The following CWC25 variants were observed in gnomAD, a reference collection of about 807,000 sequenced individuals.
The protein encoded by CWC25 is pre-mRNA-splicing factor CWC25 homolog.
In CWC25, 31 loss-of-function variants were observed where a neutral mutation model predicts 54.6. That is an observed-to-expected ratio of 0.57 (90% CI 0.43 to 0.77). CWC25 has a LOEUF of 0.77. Among genes scored for constraint, CWC25 ranks in the 30% least tolerant of loss-of-function variants. The pLI is 0.00. For synonymous variants in CWC25, 151 were observed against 187.0 expected, an observed-to-expected ratio of 0.81 and a Z score of 1.57; for missense variants, 453 against 529.3, an observed-to-expected ratio of 0.86 and a Z score of 1.41.
chr17:38,803,179 T>C (rs529775271), intron 8 of CWC25, among the ~76,000 whole-genome samples: 1 of 152,316 alleles, frequency 6.6e-6, no homozygotes, highest in Non-Finnish European at 1.5e-5. Flanking sequence ...TGCTCAACAA[T>C]TGACAGAAGA....
intron 1 of CWC25, among the ~76,000 whole-genome samples, chr17:38,823,151 T>A (rs577095955): frequency 6.8e-6 from 1 of 147,278 alleles, no homozygotes; most frequent in South Asian, 2.1e-4. Context: ...CTCCAACTTT[T>A]TTTTTAACTT....
intron 3 of CWC25, among the ~76,000 whole-genome samples, chr17:38,814,474 C>G (rs1336763963): frequency 6.6e-6 from 1 of 151,034 alleles, no homozygotes; most frequent in Non-Finnish European, 1.5e-5. Context: ...GGCGTGGTGG[C>G]TCACGCCTGT....
intron 2 of CWC25, 129 bp from the exon 3 acceptor site, chr17:38,815,226 A>G: frequency 1.3e-6 from 1 of 799,672 alleles, no homozygotes; most frequent in Non-Finnish European, 2.0e-6. Context: ...GGCACCTACC[A>G]TGCAATAAAC....
intron 2 of CWC25, chr17:38,815,590 G>A (rs1911664569): frequency 1.1e-6 from 1 of 886,624 alleles, no homozygotes. Context: ...TCCTCATGAG[G>A]CTTACGAGTG....
chr17:38,813,919 T>C (rs1314751333), intron 3 of CWC25, among the ~76,000 whole-genome samples: 3 of 152,146 alleles, frequency 2.0e-5, no homozygotes, highest in Admixed American at 6.6e-5. Flanking sequence ...TAGAGTGCAG[T>C]GGCGCGATCT....
At chr17:38,822,407 C>A (rs1465996589) in intron 1 of CWC25, among the ~76,000 whole-genome samples, 1 of 152,128 alleles carries the variant, frequency 6.6e-6, no homozygotes, top group Non-Finnish European at 1.5e-5. Context: ...GCTTGGTCTA[C>A]TTCACCTGCC....
intron 6 of CWC25, among the ~76,000 whole-genome samples, chr17:38,809,293 TG>T: frequency 6.6e-6 from 1 of 150,668 alleles, no homozygotes; most frequent in Non-Finnish European, 1.5e-5. Context: ...TCGGGCGTGG[TG>T]GTGGGCGCCT....
intron 8 of CWC25, among the ~76,000 whole-genome samples, chr17:38,805,109 G>GA (rs34134200): frequency 3.8e-3 from 445 of 115,916 alleles, no homozygotes; most frequent in African/African-American, 4.0e-3. Context: ...CTCCATCTCA[G>GA]AAAAAAAAAA....
At chr17:38,819,200 C>T (rs2143597429) in intron 2 of CWC25, among the ~76,000 whole-genome samples, 1 of 147,922 alleles carries the variant, frequency 6.8e-6, no homozygotes, top group South Asian at 2.1e-4. Context: ...CTTTTCCTTT[C>T]TTTCTTTTTT....
rs1911903811 is a variant in CWC25 at position 38,821,059 on chromosome 17, G to A, written c.33C>T (p.Ser11=). The change falls in exon 2 of 10, where the codon AGC becomes AGT. Residue 11 remains serine, a synonymous_variant. Coordinates refer to ENST00000614790, the MANE Select transcript of CWC25 (RefSeq NM_017748.5). ...CATTCCTGAGGGTCTGCGGGTGCCA[G>A]CTCTTCTTCAGATTCTGTGGTAAAT... MGGGDLNLKK[S]WHPQTLRNVE... 1 of 1,611,470 alleles carries A rather than the reference G, an allele frequency of 6.2e-7. No homozygotes were observed. Among genetic ancestry groups the A allele is most frequent in the Admixed American group, 1.7e-5 (1 of 59,086 alleles).
chr17:38,823,037 A>T (rs1348714010), intron 1 of CWC25, among the ~76,000 whole-genome samples: 1 of 150,524 alleles, frequency 6.6e-6, no homozygotes, highest in Non-Finnish European at 1.5e-5. Context: ...GACGGGTTTC[A>T]CCGTGTTAGC....
intron 8 of CWC25, among the ~76,000 whole-genome samples, chr17:38,804,971 G>A (rs1297800506): frequency 2.0e-5 from 3 of 152,172 alleles, no homozygotes; most frequent in South Asian, 2.1e-4. Context: ...GCTGGGTGTG[G>A]TGGCACATGC....
intron 1 of CWC25, among the ~76,000 whole-genome samples, chr17:38,824,171 C>T (rs766863262): frequency 6.6e-6 from 1 of 152,184 alleles, no homozygotes; most frequent in Non-Finnish European, 1.5e-5. Context: ...TTTCCGGAGG[C>T]TAGCATTTTC....
intron 1 of CWC25, among the ~76,000 whole-genome samples, chr17:38,824,379 C>G (rs1912054767): frequency 2.6e-5 from 4 of 152,068 alleles, no homozygotes; most frequent in Non-Finnish European, 5.9e-5. Flanking sequence ...ACAGGAAGAT[C>G]CCTTCAGGCT....
intron 7 of CWC25, 100 bp from the exon 8 acceptor site, chr17:38,806,495 G>T: frequency 9.4e-7 from 1 of 1,060,042 alleles, no homozygotes; most frequent in Non-Finnish European, 1.4e-6. Flanking sequence ...GGTCTTAGAG[G>T]TATAATCTAA....
chr17:38,819,009 T>G (rs1160213666), intron 2 of CWC25, among the ~76,000 whole-genome samples: 2 of 128,954 alleles, frequency 1.6e-5, no homozygotes, highest in Non-Finnish European at 3.5e-5. Context: ...TAAAATCAAT[T>G]TTTACTTATT....
In CWC25 at chr17:38,821,781, C is replaced by CT. The variant is rs36017153; in HGVS notation, c.19-709dup. ...GCACTTCTGACAGTGGACATTCATT[C>CT]TTTTTTTTTTTTTTTTAAAGTCTTA... On this transcript the variant is annotated intron_variant, in intron 1 of 9. Coordinates refer to ENST00000614790, the MANE Select transcript of CWC25 (RefSeq NM_017748.5). 9.2e-4 allele frequency among the ~76,000 whole-genome samples: 132 copies of CT among 144,122 alleles called. 3 individuals carry two copies. The highest frequency in any genetic ancestry group is 1.9e-3 in the Admixed American group (27 of 14,428). 94.5% of individuals were successfully genotyped at this position (144,122 alleles called of 152,430 possible).
At position 38,801,966 on chromosome 17, in the gene CWC25, G is replaced by A; in HGVS notation, c.*126C>T. 1.7e-6 allele frequency: 1 copy of A among 595,740 alleles called. No individual in the cohort carries two copies. The highest frequency in any genetic ancestry group is 3.0e-6 in the Non-Finnish European group (1 of 335,306). The allele number at this position is 595,740 out of a possible 1,614,324, so 36.9% of individuals were successfully genotyped here. ...AGCTGTTTCAGGACTCAATGAAGCA[G>A]GGTCACTTTGAACACTGGTGGTTTG... On this transcript the variant is annotated 3_prime_UTR_variant, in exon 10 of 10. Transcript: ENST00000614790.
intron 2 of CWC25, among the ~76,000 whole-genome samples, chr17:38,815,370 A>G (rs1451538405): frequency 6.6e-6 from 1 of 152,142 alleles, no homozygotes; most frequent in African/African-American, 2.4e-5. Flanking sequence ...AGCCTGGCCA[A>G]CATGATGAAA....
Sources: allele counts gnomAD v4.1 joint callset (sites outside exome capture counted in the v4.1 genomes callset), GRCh38; gene constraint gnomAD v4.1.1; transcripts MANE v1.5; gene names NCBI Gene and HGNC (gene_info 2026-07-23, HGNC 2026-07-21).